The following IQCM variants were observed in gnomAD, a reference collection of about 807,000 sequenced individuals.
IQCM encodes IQ motif containing M.
Under a neutral mutation model 57.6 loss-of-function variants are expected in IQCM, and 45 were observed. That is an observed-to-expected ratio of 0.78 (90% CI 0.62 to 1.00). The LOEUF (loss-of-function observed/expected upper bound fraction) is 1.00, where lower values mean the gene tolerates loss of function less well. IQCM is among the 50% of genes least tolerant of loss of function. The pLI is 0.00. For synonymous variants in IQCM, 148 were observed against 158.9 expected (o/e 0.93, Z 0.51); for missense variants, 468 against 511.6 (o/e 0.91, Z 0.82).
intron 7 of IQCM, among the ~76,000 whole-genome samples, chr4:149,648,497 A>T (rs980086900): frequency 1.3e-5 from 2 of 152,218 alleles, no homozygotes; most frequent in Non-Finnish European, 2.9e-5. Flanking sequence ...GTGCCGTAAT[A>T]AACATATATG....
chr4:149,735,485 T>A, intron 3 of IQCM, 27 bp from the exon 4 acceptor site: 8 of 1,023,962 alleles, frequency 7.8e-6, no homozygotes, highest in Non-Finnish European at 1.0e-5. Flanking sequence ...GAAACATTTT[T>A]TAAGCAGTTA....
chr4:149,426,397 T>C (rs1455295800), intron 13 of IQCM, among the ~76,000 whole-genome samples: 1 of 151,992 alleles, frequency 6.6e-6, no homozygotes, highest in Non-Finnish European at 1.5e-5. Flanking sequence ...AAGTCACTAA[T>C]CACTGACCTA....
chr4:149,750,711 C>T (rs1203048634), intron 2 of IQCM, among the ~76,000 whole-genome samples: 2 of 152,174 alleles, frequency 1.3e-5, no homozygotes, highest in Non-Finnish European at 2.9e-5. Context: ...AAGCCATTAA[C>T]ATTTTATAAA....
chr4:149,733,384 G>A lies in IQCM; in HGVS notation c.245C>T (p.Ala82Val), dbSNP rs945261980. 1.5e-5 allele frequency: 18 copies of A among 1,231,658 alleles called. No individual in the cohort carries two copies. Among genetic ancestry groups the A allele is most frequent in the Non-Finnish European group, 1.8e-5 (18 of 987,770 alleles). 76.3% of individuals were successfully genotyped at this position (1,231,658 alleles called of 1,614,324 possible). ...GGGAAAGCAAATCCTTCTGAGTGCG[G>A]CCCGATGTTCTTGCACCACATCACG... is the stretch of plus-strand genomic sequence containing the variant. ...VTRDVVQEHR[A>V]ALRRICFPKE... is the part of the protein sequence containing the mutation. Residue 82 changes from alanine (A) to valine (V), a missense_variant, in exon 5 of 14, where the codon GCC becomes GTC. Physicochemically the swap from Ala to Val is moderately conservative, Grantham distance 64. Transcript: ENST00000636793.
intron 7 of IQCM, among the ~76,000 whole-genome samples, chr4:149,681,812 T>C (rs1579980810): frequency 6.6e-6 from 1 of 151,388 alleles, no homozygotes; most frequent in East Asian, 1.9e-4. Flanking sequence ...GAATTGTATG[T>C]ATTTTTTAAA....
intron 5 of IQCM, among the ~76,000 whole-genome samples, chr4:149,693,948 T>C (rs919200971): frequency 7.2e-5 from 11 of 152,316 alleles, no homozygotes; most frequent in East Asian, 1.9e-4. Flanking sequence ...TATCTTAACA[T>C]TGAAACAATT....
At chr4:149,773,672 C>T (rs571379388) in intron 2 of IQCM, among the ~76,000 whole-genome samples, 12 of 152,304 alleles carry the variant, frequency 7.9e-5, no homozygotes, top group African/African-American at 2.9e-4. Context: ...TCAGCCACTT[C>T]ACTGTTCATT....
At chr4:149,579,156 C>T (rs902187773) in intron 9 of IQCM, among the ~76,000 whole-genome samples, 1 of 151,768 alleles carries the variant, frequency 6.6e-6, no homozygotes, top group Non-Finnish European at 1.5e-5. Flanking sequence ...GTCACACCTA[C>T]ACCTTCTTCT....
At chr4:149,409,450 A>G (rs1449391277) in intron 13 of IQCM, among the ~76,000 whole-genome samples, 1 of 152,232 alleles carries the variant, frequency 6.6e-6, no homozygotes, top group Admixed American at 6.5e-5. Flanking sequence ...CTGGCATTTC[A>G]CTAAGTAGAA....
intron 7 of IQCM, among the ~76,000 whole-genome samples, chr4:149,642,026 A>T (rs1758238014): frequency 6.6e-6 from 1 of 152,176 alleles, no homozygotes; most frequent in African/African-American, 2.4e-5. Context: ...CTCAGTGTGT[A>T]TACTCAAGAA....
intron 13 of IQCM, among the ~76,000 whole-genome samples, chr4:149,430,443 A>G (rs1424289308): frequency 2.0e-5 from 3 of 151,960 alleles, no homozygotes; most frequent in Non-Finnish European, 4.4e-5. Flanking sequence ...TGATAACCAC[A>G]ATCAAGATGA....
chr4:149,448,463 G>T (rs1434501399), intron 12 of IQCM, among the ~76,000 whole-genome samples: 1 of 151,260 alleles, frequency 6.6e-6, no homozygotes, highest in East Asian at 1.9e-4. Flanking sequence ...AAGAGTAAAT[G>T]AAACCCAGAA....
chr4:149,714,765 G>T (rs1764853681), intron 5 of IQCM, among the ~76,000 whole-genome samples: 1 of 152,132 alleles, frequency 6.6e-6, no homozygotes, highest in Non-Finnish European at 1.5e-5. Context: ...TAAGGCAAGG[G>T]TTACTTGAAT....
At chr4:149,408,677 T>C (rs1025648307) in intron 13 of IQCM, among the ~76,000 whole-genome samples, 1 of 152,220 alleles carries the variant, frequency 6.6e-6, no homozygotes, top group Non-Finnish European at 1.5e-5. Flanking sequence ...TGTTTATGTA[T>C]GTGTACACAT....
rs181591797 is a variant in IQCM at position 149,577,490 on chromosome 4, C to T, written c.749+10440G>A. On this transcript the variant is annotated intron_variant, in intron 9 of 13. Transcript: ENST00000636793. ...CAGCACCATTTAATGAATAGGGAATCCTTTCCCCATTGCTTGTTATTGTTG... is the reference window on the plus strand; with the variant it reads ...CAGCACCATTTAATGAATAGGGAATTCTTTCCCCATTGCTTGTTATTGTTG... Among the ~76,000 whole-genome samples the T allele has an allele frequency of 2.9e-3, 440 of 152,080 alleles. 3 individuals are homozygous for T. The highest frequency in any genetic ancestry group is 9.9e-3 in the African/African-American group (413 of 41,522).
intron 13 of IQCM, among the ~76,000 whole-genome samples, chr4:149,415,656 A>G (rs1733696862): frequency 6.6e-6 from 1 of 152,120 alleles, no homozygotes; most frequent in African/African-American, 2.4e-5. Context: ...CCAAAATTGG[A>G]AAAAAGGAGT....
At chr4:149,739,467 AT>A (rs5862894) in intron 3 of IQCM, among the ~76,000 whole-genome samples, 82,795 of 124,914 alleles carry the variant, frequency 0.66, 24,804 homozygotes, top group Middle Eastern at 0.74. Context: ...TGTTTATATA[AT>A]TTTTTTTTTT....
chr4:149,631,278 C>T (rs917049842), intron 7 of IQCM, among the ~76,000 whole-genome samples: 1 of 152,172 alleles, frequency 6.6e-6, no homozygotes, highest in African/African-American at 2.4e-5. Context: ...CCCTGTACCT[C>T]TTCCCTTTGC....
intron 12 of IQCM, among the ~76,000 whole-genome samples, chr4:149,534,573 G>A (rs1208945470): frequency 1.3e-5 from 2 of 151,662 alleles, no homozygotes; most frequent in Non-Finnish European, 2.9e-5. Flanking sequence ...TATACACAGT[G>A]GTATATAAGG....
Sources: allele counts gnomAD v4.1 joint callset (sites outside exome capture counted in the v4.1 genomes callset), GRCh38; gene constraint gnomAD v4.1.1; transcripts MANE v1.5; gene names NCBI Gene and HGNC (gene_info 2026-07-23, HGNC 2026-07-21).